Variants in PAX7 observed in about 807,000 individuals in gnomAD.
PAX7 encodes the protein paired box protein Pax-7.
A neutral mutation model predicts 50.7 loss-of-function variants in PAX7; 18 were observed. The ratio of observed to expected loss-of-function variants is 0.36; its 90% CI spans 0.25 to 0.53. PAX7 has a LOEUF of 0.53. PAX7 is among the 20% of genes least tolerant of loss of function. The probability of loss-of-function intolerance (pLI) is 0.93; values close to 1 mark genes in which losing one functional copy is unlikely to be tolerated. For synonymous variants in PAX7, 310 were observed against 290.4 expected, an observed-to-expected ratio of 1.07 and a Z score of -0.69; for missense variants, 644 against 702.9, an observed-to-expected ratio of 0.92 and a Z score of 0.95.
intron 7 of PAX7, among the ~76,000 whole-genome samples, chr1:18,710,134 A>G (rs2089332356): frequency 6.6e-6 from 1 of 152,234 alleles, no homozygotes; most frequent in African/African-American, 2.4e-5. Context: ...CACTTTGCCT[A>G]TCTGAAGTCA....
At chr1:18,642,190 T>C (rs2088266456) in intron 4 of PAX7, among the ~76,000 whole-genome samples, 4 of 148,078 alleles carry the variant, frequency 2.7e-5, no homozygotes. Context: ...GCTGAGCAAA[T>C]GAGATTTCAT....
At chr1:18,736,267 C>A (rs2089712342) in intron 8 of PAX7, 1 of 431,612 alleles carries the variant, frequency 2.3e-6, no homozygotes, top group Non-Finnish European at 4.1e-6. Flanking sequence ...GAGTTCAAGA[C>A]CAGCCTGGTC....
intron 5 of PAX7, among the ~76,000 whole-genome samples, chr1:18,698,062 T>C (rs2089171515): frequency 6.6e-6 from 1 of 152,102 alleles, no homozygotes; most frequent in South Asian, 2.1e-4. Flanking sequence ...TCAGCATTCT[T>C]TTTTTGAGGA....
chr1:18,675,259 A>T (rs2088808275), intron 4 of PAX7, among the ~76,000 whole-genome samples: 1 of 152,162 alleles, frequency 6.6e-6, no homozygotes, highest in African/African-American at 2.4e-5. Flanking sequence ...CCACCATGAA[A>T]AAAAGCCGAA....
chr1:18,683,407 A>T (rs2088926976), intron 4 of PAX7, among the ~76,000 whole-genome samples: 1 of 152,226 alleles, frequency 6.6e-6, no homozygotes, highest in South Asian at 2.1e-4. Context: ...TAAGATACCA[A>T]GTCATTTTAT....
chr1:18,677,896 A>G (rs1433330515), intron 4 of PAX7, among the ~76,000 whole-genome samples: 1 of 151,086 alleles, frequency 6.6e-6, no homozygotes, highest in Non-Finnish European at 1.5e-5. Context: ...AGCCTGACCA[A>G]TATGGTGCAA....
intron 7 of PAX7, among the ~76,000 whole-genome samples, chr1:18,713,155 C>T (rs942945861): frequency 1.3e-5 from 2 of 152,176 alleles, no homozygotes; most frequent in Non-Finnish European, 2.9e-5. Flanking sequence ...CCAAACTCCA[C>T]ACCTCCAGAG....
intron 4 of PAX7, among the ~76,000 whole-genome samples, chr1:18,691,046 T>C (rs1442310571): frequency 6.6e-6 from 1 of 152,216 alleles, no homozygotes; most frequent in Non-Finnish European, 1.5e-5. Context: ...GTGGTGTGAT[T>C]GGCTTACTAT....
intron 4 of PAX7, among the ~76,000 whole-genome samples, chr1:18,666,048 C>A (rs1015673045): frequency 3.3e-5 from 5 of 152,120 alleles, no homozygotes; most frequent in African/African-American, 1.2e-4. Flanking sequence ...GTGGCTCCAG[C>A]CTGTAATCCT....
At chr1:18,739,202 CT>C (rs1930985213) in intron 8 of PAX7, among the ~76,000 whole-genome samples, 1 of 152,192 alleles carries the variant, frequency 6.6e-6, no homozygotes, top group Non-Finnish European at 1.5e-5. Context: ...GGCGAGGTAG[CT>C]TTTCCAAAAT....
At chr1:18,686,725 A>T (rs1035417028) in intron 4 of PAX7, among the ~76,000 whole-genome samples, 1 of 151,980 alleles carries the variant, frequency 6.6e-6, no homozygotes, top group South Asian at 2.1e-4. Context: ...ATGTGGTGGC[A>T]TTGGGGCTCT....
At chr1:18,643,337 C>A (rs2088287287) in intron 4 of PAX7, among the ~76,000 whole-genome samples, 2 of 152,004 alleles carry the variant, frequency 1.3e-5, no homozygotes, top group African/African-American at 4.8e-5. Context: ...GTGCGCTGGG[C>A]CCGAGCTCCG....
At chr1:18,672,376 CT>C (rs551856258) in intron 4 of PAX7, among the ~76,000 whole-genome samples, 3 of 152,110 alleles carry the variant, frequency 2.0e-5, no homozygotes, top group East Asian at 1.9e-4. Flanking sequence ...AAAATATCAA[CT>C]TTTTTTTGTT....
intron 7 of PAX7, among the ~76,000 whole-genome samples, chr1:18,707,411 C>CTTTTTTTTTTTTTTTTTTTTT (rs71575894): frequency 3.3e-5 from 3 of 91,236 alleles, no homozygotes; most frequent in Non-Finnish European, 4.2e-5. Flanking sequence ...TTCTTTTTTT[C>CTTTTTTTTTTTTTTTTTTTTT]TTTCTTTTTT....
intron 7 of PAX7, among the ~76,000 whole-genome samples, chr1:18,709,998 G>A (rs2089330769): frequency 6.6e-6 from 1 of 152,220 alleles, no homozygotes; most frequent in African/African-American, 2.4e-5. Context: ...GGTCTCCTGG[G>A]TGCGTCTTAA....
Position 18,632,450 on chromosome 1 carries a change from G to T in PAX7, c.85+762G>T, listed in dbSNP as rs2088069903. 6.6e-6 allele frequency among the ~76,000 whole-genome samples: 1 copy of T among 152,160 alleles called. No individual in the cohort carries two copies. The highest frequency in any genetic ancestry group is 2.1e-4 in the South Asian group (1 of 4,824). On this transcript the variant is annotated intron_variant, in intron 1 of 8. Transcript: ENST00000420770. This position sits in a 1 kb window ranked among gnomAD's most constrained non-coding sequence, Gnocchi z 6.3. ...GCGCCCGCCCGGGGAGACCCGATAG[G>T]ACGGGCGGCGGCGAACCGGGTCCTG...
intron 4 of PAX7, among the ~76,000 whole-genome samples, chr1:18,644,526 AT>A (rs1557505846): frequency 6.6e-6 from 1 of 152,028 alleles, no homozygotes; most frequent in African/African-American, 2.4e-5. Context: ...TACAGGCAGA[AT>A]TTTTCATCTA....
intron 4 of PAX7, among the ~76,000 whole-genome samples, chr1:18,652,233 G>T (rs937178224): frequency 3.3e-5 from 5 of 151,596 alleles, no homozygotes; most frequent in Admixed American, 2.0e-4. Flanking sequence ...ACCTCAACTG[G>T]CCCCCTTCTC....
rs113757237 is a variant in PAX7 at position 18,747,285 on chromosome 1, C to T, written c.*2356C>T. ...AGGACCAATCCCAGATATCTGGTCC[C>T]GATGGTGAAATGGAACAAAGACCTG... On this transcript the variant is annotated 3_prime_UTR_variant, in exon 9 of 9. Coordinates refer to ENST00000420770, the MANE Select transcript of PAX7 (RefSeq NM_001135254.2). 3.9e-5 allele frequency: 9 copies of T among 229,054 alleles called. No homozygotes were observed. Among genetic ancestry groups the T allele is most frequent in the African/African-American group, 8.9e-5 (4 of 45,056 alleles). The allele number at this position is 229,054 out of a possible 1,614,324, so 14.2% of individuals were successfully genotyped here. A position where few individuals can be genotyped will look rare whatever the true frequency, so the allele number is the denominator to read the frequency against.
Sources: allele counts gnomAD v4.1 joint callset (sites outside exome capture counted in the v4.1 genomes callset), GRCh38; gene constraint gnomAD v4.1.1; non-coding constraint Gnocchi (gnomAD v3.1); transcripts MANE v1.5; gene names NCBI Gene and HGNC (gene_info 2026-07-23, HGNC 2026-07-21).